PRKG1: variants seen among roughly 807,000 people sequenced by gnomAD.
The protein encoded by PRKG1 is cGMP-dependent protein kinase 1.
Under a neutral mutation model 88.1 loss-of-function variants are expected in PRKG1, and 35 were observed. The ratio of observed to expected loss-of-function variants is 0.40; its 90% confidence interval spans 0.30 to 0.53. The LOEUF is 0.53. Among genes scored for constraint, PRKG1 ranks in the 20% least tolerant of loss-of-function variants. The probability of loss-of-function intolerance (pLI) is 0.59; values close to 1 mark genes in which losing one functional copy is unlikely to be tolerated. For missense variants in PRKG1, 540 were observed against 839.8 expected (o/e 0.64, Z 4.41); for synonymous variants, 303 against 292.5 (o/e 1.04, Z -0.37).
intron 2 of PRKG1, among the ~76,000 whole-genome samples, chr10:51,327,939 T>G (rs2132522218): frequency 6.6e-6 from 1 of 152,328 alleles, no homozygotes; most frequent in South Asian, 2.1e-4. Context: ...GTCTAGCTAA[T>G]TACCATATGC....
chr10:52,103,176 C>T (rs1847336323), intron 7 of PRKG1, among the ~76,000 whole-genome samples: 1 of 152,192 alleles, frequency 6.6e-6, no homozygotes, highest in South Asian at 2.1e-4. Context: ...CCATGCCCCC[C>T]ATCCTGACCC....
intron 5 of PRKG1, among the ~76,000 whole-genome samples, chr10:51,921,539 G>A (rs1054052488): frequency 1.1e-4 from 17 of 152,088 alleles, no homozygotes; most frequent in African/African-American, 3.9e-4. Context: ...TATGTTAGCC[G>A]TAGGCTCTTT....
At chr10:51,110,753 T>C (rs1010804384) in intron 1 of PRKG1, among the ~76,000 whole-genome samples, 2 of 152,056 alleles carry the variant, frequency 1.3e-5, no homozygotes, top group African/African-American at 2.4e-5. Context: ...TGCTAAAAAT[T>C]AGGACTAGCT....
chr10:51,406,074 CCT>C (rs1320014960), intron 2 of PRKG1, among the ~76,000 whole-genome samples: 2 of 152,134 alleles, frequency 1.3e-5, no homozygotes, highest in African/African-American at 4.8e-5. Flanking sequence ...CTGCAGCGAT[CCT>C]CTGTCTCTAC....
chr10:51,964,773 C>T (rs1041836263), intron 5 of PRKG1, among the ~76,000 whole-genome samples: 1 of 152,176 alleles, frequency 6.6e-6, no homozygotes, highest in Non-Finnish European at 1.5e-5. Flanking sequence ...TCCAGTATCA[C>T]AGTCTTCCTT....
chr10:51,512,258 T>C (rs1255675014), intron 3 of PRKG1, among the ~76,000 whole-genome samples: 3 of 148,510 alleles, frequency 2.0e-5, no homozygotes, highest in Admixed American at 6.7e-5. Flanking sequence ...GTTAGTTACA[T>C]ATGTATACAT....
At chr10:51,221,483 C>A (rs1210493372) in intron 2 of PRKG1, among the ~76,000 whole-genome samples, 1 of 151,986 alleles carries the variant, frequency 6.6e-6, no homozygotes, top group Non-Finnish European at 1.5e-5. Context: ...GCACTATTTT[C>A]TGATCAAACA....
At chr10:51,459,169 A>G (rs989785213) in intron 2 of PRKG1, among the ~76,000 whole-genome samples, 8 of 152,188 alleles carry the variant, frequency 5.3e-5, no homozygotes, top group Non-Finnish European at 1.0e-4. Context: ...TCTTTGACGT[A>G]CCTAAGCAGT....
chr10:51,690,879 T>C (rs1456782834), intron 3 of PRKG1, among the ~76,000 whole-genome samples: 1 of 139,268 alleles, frequency 7.2e-6, no homozygotes, highest in Non-Finnish European at 1.5e-5. Context: ...TGAGCCAAGA[T>C]TGCACCACTA....
At chr10:51,092,720 G>C (rs1315495009) in intron 1 of PRKG1, among the ~76,000 whole-genome samples, 1 of 147,996 alleles carries the variant, frequency 6.8e-6, no homozygotes, top group Non-Finnish European at 1.5e-5. Context: ...TTCAGTGTGA[G>C]AGAATAAAGA....
intron 3 of PRKG1, among the ~76,000 whole-genome samples, chr10:51,760,573 A>G (rs898421557): frequency 6.6e-6 from 1 of 151,512 alleles, no homozygotes; most frequent in Non-Finnish European, 1.5e-5. Flanking sequence ...CCGGGTTCAA[A>G]CGATTCTCCT....
rs746256641 is a variant in PRKG1, at chr10:52,290,910, CTT to C, written c.1962+637_1962+638del. ...TTCAAAGAGTCTTTACATGATCACT[CTT>C]TTTTTTTTTTTTTTTTAATTTTTTT... On this transcript the variant is annotated intron_variant, in intron 17 of 17. Coordinates refer to ENST00000373980, the MANE Select transcript of PRKG1 (RefSeq NM_006258.4). Among the ~76,000 whole-genome samples, 344 of 122,850 alleles carry C rather than the reference CTT, an allele frequency of 2.8e-3. 1 individual carries two copies. The highest frequency in any genetic ancestry group is 9.0e-3 in the Middle Eastern group (2 of 222). 80.6% of individuals were successfully genotyped at this position (122,850 alleles called of 152,430 possible).
chr10:51,096,444 T>A (rs1844532016), intron 1 of PRKG1, among the ~76,000 whole-genome samples: 1 of 152,184 alleles, frequency 6.6e-6, no homozygotes, highest in Non-Finnish European at 1.5e-5. Context: ...TGTTTTCTTG[T>A]ATGGGCTCTG....
rs770358194 is a variant in PRKG1 at position 52,161,867 on chromosome 10, CTG to C, written c.1002-19_1002-18del. The C allele has an allele frequency of 3.1e-6, 5 of 1,606,976 alleles. No homozygotes were observed. The highest frequency in any genetic ancestry group is 2.7e-5 in the African/African-American group (2 of 74,704). On this transcript the variant is annotated intron_variant, in intron 8 of 17. Transcript: ENST00000373980. ...CTACTATTTTGTAGAAGATTAATCA[CTG>C]TGCTTTTTTCGTCTGACAGCTCTTT...
chr10:52,164,364 G>A (rs12782437), intron 9 of PRKG1, among the ~76,000 whole-genome samples: 26,193 of 148,660 alleles, frequency 0.18, 2,764 homozygotes, highest in Non-Finnish European at 0.24. Context: ...AAATAAGTAA[G>A]TAAATAAATA....
At chr10:52,022,352 T>C (rs1275350995) in intron 5 of PRKG1, among the ~76,000 whole-genome samples, 2 of 152,208 alleles carry the variant, frequency 1.3e-5, no homozygotes, top group Admixed American at 1.3e-4. Flanking sequence ...CGATAGGAGT[T>C]TAATTTTTTA....
chr10:51,612,948 C>T (rs1289914304), intron 3 of PRKG1, among the ~76,000 whole-genome samples: 1 of 151,920 alleles, frequency 6.6e-6, no homozygotes, highest in Non-Finnish European at 1.5e-5. Flanking sequence ...TTGAGCCATC[C>T]TTGCGTACCT....
chr10:51,906,582 A>C (rs1470685796), intron 4 of PRKG1, among the ~76,000 whole-genome samples: 1 of 152,210 alleles, frequency 6.6e-6, no homozygotes, highest in Non-Finnish European at 1.5e-5. Context: ...TTATTATCTG[A>C]AGACCCAGAA....
intron 1 of PRKG1, among the ~76,000 whole-genome samples, chr10:51,144,460 A>T (rs890172081): frequency 3.9e-5 from 6 of 152,116 alleles, no homozygotes; most frequent in Admixed American, 6.6e-5. Context: ...TACATTGTGG[A>T]ACACAGAATA....
Sources: gnomAD v4.1 joint callset for allele counts (sites outside exome capture counted in the v4.1 genomes callset) on GRCh38, gnomAD v4.1.1 for gene constraint, MANE v1.5 for transcripts, NCBI Gene and HGNC (gene_info 2026-07-23, HGNC 2026-07-21) for gene names.